Variants in FKBP10 observed in about 807,000 individuals in gnomAD.
FKBP10 encodes FKBP prolyl isomerase 10.
A neutral mutation model predicts 53.7 loss-of-function variants in FKBP10; 34 were observed. That is an observed-to-expected ratio of 0.63 (90% CI 0.48 to 0.84). The LOEUF (loss-of-function observed/expected upper bound fraction) is 0.84, where lower values mean the gene tolerates loss of function less well. FKBP10 is among the 40% of genes least tolerant of loss of function. FKBP10 has a pLI of 0.00. For synonymous variants in FKBP10, 324 were observed against 335.7 expected, an observed-to-expected ratio of 0.97 and a Z score of 0.38; for missense variants, 748 against 797.8, an observed-to-expected ratio of 0.94 and a Z score of 0.75.
In FKBP10 at chr17:41,820,019, G is replaced by A. The variant is rs7221862; in HGVS notation, c.1064-250G>A. 2.7e-3 allele frequency: 3,971 copies of A among 1,486,410 alleles called. 82 individuals are homozygous for A. The African/African-American group carries it at 0.051, about 19-fold the overall frequency. 92.1% of individuals were successfully genotyped at this position (1,486,410 alleles called of 1,614,324 possible). A position where few individuals can be genotyped will look rare whatever the true frequency, so the allele number is the denominator to read the frequency against. On this transcript the variant is annotated intron_variant, in intron 6 of 9. Coordinates refer to ENST00000321562, the MANE Select transcript of FKBP10 (RefSeq NM_021939.4). ...TCAAGTGGGCAAGCCATGCTGATCC[G>A]CAGGGTAAGTTACTGGGAGTTTGCA...
At chr17:41,820,655 A>T in intron 7 of FKBP10, 194 bp downstream of exon 7, 1 of 687,984 alleles carries the variant, frequency 1.5e-6, no homozygotes, top group Non-Finnish European at 2.4e-6. Context: ...TTCGCAGGGG[A>T]AGGGAAGGTG....
In FKBP10 at chr17:41,818,070, C is replaced by G; in HGVS notation, c.392-19C>G. The G allele has an allele frequency of 6.3e-7, 1 of 1,581,156 alleles. No individual in the cohort carries two copies. The highest frequency in any genetic ancestry group is 8.6e-7 in the Non-Finnish European group (1 of 1,163,658). ...GCAGAGCAGAACTCTGAGACCTCCA[C>G]GCTGCTGCGCTCTCACAGCGGGGCT... On this transcript the variant is annotated intron_variant, in intron 2 of 9. Transcript: ENST00000321562.
At chr17:41,819,421 G>C in intron 5 of FKBP10, 22 bp downstream of exon 5, 1 of 1,593,020 alleles carries the variant, frequency 6.3e-7, no homozygotes, top group East Asian at 2.2e-5. Context: ...CTTGAGGTGG[G>C]AGGGCGGGGG....
Position 41,819,645 on chromosome 17 carries a change from C to G in FKBP10, c.1033C>G (p.Pro345Ala). The change falls in exon 6 of 10, where the codon CCG becomes GCG. Residue 345 changes from proline to alanine, a missense_variant. Pro to Ala is a conservative substitution (Grantham distance 27). Transcript: ENST00000321562. The stretch of plus-strand genomic sequence containing the variant: ...GGAACGCCGGAGAATTACCATCCCC[C>G]CGCACCTCGCCTATGGGGAGAATGG... ...MGERRRITIP[P>A]HLAYGENGTG... 1.2e-6 allele frequency: 2 copies of G among 1,609,918 alleles called. No homozygotes were observed. Among genetic ancestry groups the G allele is most frequent in the East Asian group, 2.2e-5 (1 of 44,804 alleles).
In FKBP10 at chr17:41,822,565, C is replaced by T; in HGVS notation, c.*157C>T. The T allele has an allele frequency of 1.3e-6, 1 of 788,182 alleles. No homozygotes were observed. The highest frequency in any genetic ancestry group is 1.5e-5 in the South Asian group (1 of 65,946). 48.8% of individuals were successfully genotyped at this position (788,182 alleles called of 1,614,324 possible). A position where few individuals can be genotyped will look rare whatever the true frequency, so the allele number is the denominator to read the frequency against. On this transcript the variant is annotated 3_prime_UTR_variant, in exon 10 of 10. Transcript: ENST00000321562. ...AGAGGAGACATCTCTGGTGTTCCCA[C>T]CACCCTAGATGAAAATCCACAGCAC...
At chr17:41,817,818 G>C (rs1296908854) in intron 2 of FKBP10, among the ~76,000 whole-genome samples, 1 of 151,802 alleles carries the variant, frequency 6.6e-6, no homozygotes, top group African/African-American at 2.4e-5. Context: ...TAGTAGAGAT[G>C]GGGTTTCGCC....
At chr17:41,821,868 A>G in intron 9 of FKBP10, 51 bp downstream of exon 9, 1 of 1,611,100 alleles carries the variant, frequency 6.2e-7, no homozygotes, top group Non-Finnish European at 8.5e-7. Context: ...CCCCGCACCC[A>G]GGAAGCATCG....
At position 41,819,314 on chromosome 17, in the gene FKBP10, G is replaced by A. The variant is rs372572372; in HGVS notation, c.832G>A (p.Gly278Ser). ...GCTAGAGACGCTGGAGCTCCCCCCC[G>A]GCTGTGTCCGCAGAGCCGGGGCCGG... Reference protein sequence around the residue: ...VQLETLELPPGCVRRAGAGDF... With the variant: ...VQLETLELPPSCVRRAGAGDF... Residue 278 changes from glycine (G) to serine (S), a missense_variant, in exon 5 of 10, where the codon GGC becomes AGC. Physicochemically the swap from Gly to Ser is moderately conservative, Grantham distance 56 (BLOSUM62 0). Transcript: ENST00000321562. 1.1e-5 allele frequency: 18 copies of A among 1,613,948 alleles called. No homozygotes were observed. In the African/African-American group the frequency reaches 1.2e-4, roughly 11 times the overall value.
chr17:41,815,403 C>A (rs1555615977), intron 1 of FKBP10, among the ~76,000 whole-genome samples: 1 of 152,208 alleles, frequency 6.6e-6, no homozygotes, highest in African/African-American at 2.4e-5. Context: ...AGGCAATCCA[C>A]CCTCCTCAGC....
intron 1 of FKBP10, among the ~76,000 whole-genome samples, chr17:41,815,288 C>T (rs769183336): frequency 3.3e-5 from 5 of 152,170 alleles, no homozygotes; most frequent in East Asian, 1.9e-4. Flanking sequence ...TCCCAAAGTG[C>T]TGGGATTACA....
intron 6 of FKBP10, 182 bp downstream of exon 6, chr17:41,819,857 C>G: frequency 6.5e-7 from 1 of 1,540,954 alleles, no homozygotes; most frequent in Non-Finnish European, 8.8e-7. Flanking sequence ...TCGGTTTCCT[C>G]CAGGGCAGCG....
intron 4 of FKBP10, chr17:41,818,852 A>G: frequency 2.5e-6 from 1 of 402,726 alleles, no homozygotes; most frequent in South Asian, 2.2e-5. Flanking sequence ...CTACTCGGAG[A>G]GGCTGAGGCA....
intron 4 of FKBP10, 52 bp downstream of exon 4, chr17:41,818,579 A>G (rs1555616468): frequency 6.2e-7 from 1 of 1,610,392 alleles, no homozygotes; most frequent in Non-Finnish European, 8.5e-7. Flanking sequence ...GGGAAAAACC[A>G]GGCCTCCACA....
intron 7 of FKBP10, 138 bp from the exon 8 acceptor site, chr17:41,820,809 A>G: frequency 8.1e-7 from 1 of 1,228,910 alleles, no homozygotes. Flanking sequence ...GGGCCCCTGC[A>G]CTCTGCTGCG....
Position 41,820,951 on chromosome 17 carries a change from G to T in FKBP10, c.1261G>T (p.Asp421Tyr). 1 of 1,611,978 alleles carries T rather than the reference G, an allele frequency of 6.2e-7. No homozygotes were observed. Among genetic ancestry groups the T allele is most frequent in the Admixed American group, 1.7e-5 (1 of 59,808 alleles). ...TGGGCATCTGCTCTCCCCCAGGCATGACTACGGGGCCCCCCAGGAGGCGAC... is the reference window on the plus strand; with the variant it reads ...TGGGCATCTGCTCTCCCCCAGGCATTACTACGGGGCCCCCCAGGAGGCGAC... The part of the protein sequence containing the change: ...LDGTQLFTSH[D>Y]YGAPQEATLG... Residue 421 changes from aspartate (D) to tyrosine (Y), a missense_variant, in exon 8 of 10, where the codon GAC becomes TAC. Asp to Tyr is a radical substitution (Grantham distance 160, BLOSUM62 -3). Transcript: ENST00000321562.
chr17:41,819,032 G>A lies in FKBP10; in HGVS notation c.728-178G>A, dbSNP rs1436612981. The A allele has an allele frequency of 4.7e-6, 3 of 644,510 alleles. No homozygotes were observed. In the African/African-American group the frequency reaches 5.5e-5, roughly 12 times the overall value. The allele number at this position is 644,510 out of a possible 1,614,324, so 39.9% of individuals were successfully genotyped here. ...CTCAGTATGAGCCGGTGGTGGCCCT[G>A]GGGAAAACCCAGCTCAGGTCTTACT... On this transcript the variant is annotated intron_variant, in intron 4 of 9. Coordinates refer to ENST00000321562, the MANE Select transcript of FKBP10 (RefSeq NM_021939.4).
rs782479410 is a variant in FKBP10, at chr17:41,818,362, C to T, written c.582-20C>T. 58 of 1,614,094 alleles carry T rather than the reference C, an allele frequency of 3.6e-5. No homozygotes were observed. In the Admixed American group the frequency reaches 9.3e-4, roughly 26 times the overall value. ...CCGGGGCCCAGCCTGCCTCTCCCAC[C>T]TCCACCTCATTTTCTGCAGCTACAG... On this transcript the variant is annotated intron_variant, in intron 3 of 9. Coordinates refer to ENST00000321562, the MANE Select transcript of FKBP10 (RefSeq NM_021939.4).
Position 41,821,682 on chromosome 17 carries a change from G to A in FKBP10, c.1428G>A (p.Leu476=). The A allele has an allele frequency of 6.2e-7, 1 of 1,614,088 alleles. No homozygotes were observed. Among genetic ancestry groups the A allele is most frequent in the Non-Finnish European group, 8.5e-7 (1 of 1,180,010 alleles). ...GGGGAGTCCCAGGCAGTGCTGTGCT[G>A]CTGTTTGAGGTGGAGCTGGTGTCCC... ...GARGVPGSAV[L]LFEVELVSRE... The change falls in exon 9 of 10, where the codon CTG becomes CTA. Residue 476 remains leucine, a synonymous_variant. Coordinates refer to ENST00000321562, the MANE Select transcript of FKBP10 (RefSeq NM_021939.4).
intron 1 of FKBP10, among the ~76,000 whole-genome samples, chr17:41,815,949 A>G (rs1555616028): frequency 6.6e-6 from 1 of 151,626 alleles, no homozygotes; most frequent in Admixed American, 6.6e-5. Flanking sequence ...CAGCCTGGGC[A>G]ACATGGCGAA....
Sources: allele counts gnomAD v4.1 joint callset (sites outside exome capture counted in the v4.1 genomes callset), GRCh38; gene constraint gnomAD v4.1.1; transcripts MANE v1.5; gene names NCBI Gene and HGNC (gene_info 2026-07-23, HGNC 2026-07-21).